ZSCAN5A: variants seen among roughly 807,000 people sequenced by gnomAD.
ZSCAN5A encodes the protein zinc finger and SCAN domain-containing protein 5A.
A neutral mutation model predicts 23.7 loss-of-function variants in ZSCAN5A; 12 were observed. The ratio of observed to expected loss-of-function variants is 0.51; its 90% CI spans 0.32 to 0.82. ZSCAN5A has a LOEUF of 0.82. Ranked by LOEUF, ZSCAN5A falls within the 40% of genes least tolerant of loss-of-function variation. ZSCAN5A has a pLI of 0.03. For synonymous variants in ZSCAN5A, 257 were observed against 239.9 expected, an observed-to-expected ratio of 1.07 and a Z score of -0.66; for missense variants, 597 against 617.9, an observed-to-expected ratio of 0.97 and a Z score of 0.36.
chr19:56,258,592 C>T (rs1047896789), intron 2 of ZSCAN5A, among the ~76,000 whole-genome samples: 1 of 151,442 alleles, frequency 6.6e-6, no homozygotes, highest in Non-Finnish European at 1.5e-5. Context: ...GTGACAGACA[C>T]GCCTTCCAGT....
rs2041677208 is a variant in ZSCAN5A, at chr19:56,352,954, G to A, written c.-358+10281C>T. 6.6e-6 allele frequency among the ~76,000 whole-genome samples: 1 copy of A among 152,194 alleles called. No individual in the cohort carries two copies. Among genetic ancestry groups the A allele is most frequent in the Admixed American group, 6.5e-5 (1 of 15,278 alleles). On this transcript the variant is annotated intron_variant, in intron 2 of 6. Coordinates refer to the ZSCAN5A transcript ENST00000587340. This position sits in a 1 kb window ranked among gnomAD's most constrained non-coding sequence, Gnocchi z 4.2. ...TTGTGGGCCACATAATACATTTTCA[G>A]GGGGAAGAGGGCTGTCCTGTGCATT...
intron 2 of ZSCAN5A, among the ~76,000 whole-genome samples, chr19:56,362,157 CA>C (rs71184352): frequency 0.028 from 2,588 of 91,052 alleles, 19 homozygotes; most frequent in Non-Finnish European, 0.035. Flanking sequence ...GACTCCGTCT[CA>C]AAAAAAAAAA....
intron 2 of ZSCAN5A, among the ~76,000 whole-genome samples, chr19:56,349,443 T>A (rs1480276718): frequency 1.3e-5 from 2 of 152,076 alleles, no homozygotes; most frequent in Non-Finnish European, 2.9e-5. Flanking sequence ...ACGCCTGTAA[T>A]CCCAGCACTT....
intron 2 of ZSCAN5A, among the ~76,000 whole-genome samples, chr19:56,360,885 T>A (rs2147468716): frequency 6.6e-6 from 1 of 152,114 alleles, no homozygotes; most frequent in African/African-American, 2.4e-5. Context: ...AAGAAAACTA[T>A]CATCAGAGTG....
chr19:56,268,394 G>C (rs1249172314), intron 2 of ZSCAN5A, among the ~76,000 whole-genome samples: 2 of 152,248 alleles, frequency 1.3e-5, no homozygotes, highest in Admixed American at 6.5e-5. Flanking sequence ...GAACTGTACA[G>C]AGGGGTTGAA....
At chr19:56,307,136 A>G (rs111452842) in intron 2 of ZSCAN5A, among the ~76,000 whole-genome samples, 3 of 114,424 alleles carry the variant, frequency 2.6e-5, no homozygotes, top group Middle Eastern at 5.5e-3. Flanking sequence ...GGCCTCTCCC[A>G]CGTCGCCAGA....
intron 2 of ZSCAN5A, among the ~76,000 whole-genome samples, chr19:56,249,484 C>A (rs1353008883): frequency 6.6e-6 from 1 of 152,212 alleles, no homozygotes; most frequent in African/African-American, 2.4e-5. Flanking sequence ...GTTGGCCAGG[C>A]TGGTCTGGAG....
At chr19:56,293,661 C>G (rs773834375) in intron 2 of ZSCAN5A, among the ~76,000 whole-genome samples, 3 of 152,148 alleles carry the variant, frequency 2.0e-5, no homozygotes, top group Non-Finnish European at 4.4e-5. Flanking sequence ...GAGGAGTAAA[C>G]AGGATCATGC....
chr19:56,253,731 A>G (rs920687272), intron 2 of ZSCAN5A, among the ~76,000 whole-genome samples: 1 of 152,260 alleles, frequency 6.6e-6, no homozygotes, highest in South Asian at 2.1e-4. Context: ...TTTTCTTACA[A>G]TAAGAAGTTG....
At chr19:56,238,007 A>ACACATATG (rs1568627730) in intron 2 of ZSCAN5A, among the ~76,000 whole-genome samples, 10 of 22,852 alleles carry the variant, frequency 4.4e-4, no homozygotes, top group African/African-American at 2.7e-4. Context: ...GCACACATAC[A>ACACATATG]CACACACGTC....
chr19:56,342,019 T>C (rs1600294450), intron 2 of ZSCAN5A, among the ~76,000 whole-genome samples: 2 of 152,306 alleles, frequency 1.3e-5, no homozygotes, highest in South Asian at 2.1e-4. Flanking sequence ...GAAAATTTCA[T>C]TGTTCTAACC....
chr19:56,342,616 C>G (rs1158353500), intron 2 of ZSCAN5A: 3 of 451,888 alleles, frequency 6.6e-6, no homozygotes, highest in Non-Finnish European at 1.3e-5. Context: ...TGCACTCTTC[C>G]TTGATTAGGG....
At position 56,244,618 on chromosome 19, in the gene ZSCAN5A, G is replaced by A. The variant is rs72490753; in HGVS notation, c.-127-19445C>T. Reference sequence around the variant, plus strand: ...TGTCACAAGGGGGAGGACAGGAGACGCTGCTAAGCATTCTCTAATGCTCAG... The same window carrying A: ...TGTCACAAGGGGGAGGACAGGAGACACTGCTAAGCATTCTCTAATGCTCAG... On this transcript the variant is annotated intron_variant, in intron 2 of 5. Transcript: ENST00000683990. Among the ~76,000 whole-genome samples the A allele has an allele frequency of 5.4e-4, 79 of 147,424 alleles. 1 individual carries two copies. In the East Asian group the frequency reaches 8.0e-3, roughly 15 times the overall value.
chr19:56,290,911 C>T (rs2039466026), intron 2 of ZSCAN5A, among the ~76,000 whole-genome samples: 1 of 152,254 alleles, frequency 6.6e-6, no homozygotes, highest in African/African-American at 2.4e-5. Flanking sequence ...GAAGAGGCAA[C>T]TATCCAAAGA....
At chr19:56,302,228 A>G (rs1443830081) in intron 2 of ZSCAN5A, 3 of 487,864 alleles carry the variant, frequency 6.1e-6, no homozygotes, top group African/African-American at 2.0e-5. Flanking sequence ...GCCCTTCTGT[A>G]AAACACTCTC....
chr19:56,303,201 C>T (rs149493110), intron 2 of ZSCAN5A, among the ~76,000 whole-genome samples: 4 of 152,204 alleles, frequency 2.6e-5, no homozygotes, highest in East Asian at 1.9e-4. Flanking sequence ...CAAGCCAGGC[C>T]GGGCACGGTG....
At chr19:56,327,709 A>C (rs977704156) in intron 2 of ZSCAN5A, among the ~76,000 whole-genome samples, 9 of 151,602 alleles carry the variant, frequency 5.9e-5, no homozygotes, top group African/African-American at 2.2e-4. Flanking sequence ...TATACAATAC[A>C]TAAATTTATG....
chr19:56,232,969 A>G (rs2034593617), intron 2 of ZSCAN5A, among the ~76,000 whole-genome samples: 1 of 152,218 alleles, frequency 6.6e-6, no homozygotes, highest in African/African-American at 2.4e-5. Flanking sequence ...GGCATCAGCC[A>G]TCATGTCTGA....
rs1283230523 is a variant in ZSCAN5A at position 56,321,456 on chromosome 19, C to T, written c.-357-5188G>A. 1.1e-4 allele frequency: 72 copies of T among 684,348 alleles called. 1 individual carries two copies. The East Asian group carries it at 1.8e-3, about 17-fold the overall frequency. The allele number at this position is 684,348 out of a possible 1,614,324, so 42.4% of individuals were successfully genotyped here. On this transcript the variant is annotated intron_variant, in intron 2 of 6. Coordinates refer to the ZSCAN5A transcript ENST00000587340. ...AATGTCCAACGGCATTGATAACACA[C>T]TTGGCTTTCATGTCAAATTCCTGCC...
Sources: gnomAD v4.1 joint callset for allele counts (sites outside exome capture counted in the v4.1 genomes callset) on GRCh38, gnomAD v4.1.1 for gene constraint, Gnocchi (gnomAD v3.1) non-coding constraint, MANE v1.5 for transcripts, NCBI Gene and HGNC (gene_info 2026-07-23, HGNC 2026-07-21) for gene names.